Variants in IKBKB observed in about 807,000 individuals in gnomAD.
IKBKB encodes inhibitor of nuclear factor kappa-B kinase subunit beta.
A neutral mutation model predicts 113.6 loss-of-function variants in IKBKB; 42 were observed. The ratio of observed to expected loss-of-function variants is 0.37; its 90% CI spans 0.29 to 0.48. IKBKB has a LOEUF of 0.48. Ranked by LOEUF, IKBKB falls within the 20% of genes least tolerant of loss-of-function variation. IKBKB has a pLI of 0.99. For synonymous variants in IKBKB, 296 were observed against 361.3 expected, an observed-to-expected ratio of 0.82 and a Z score of 2.05; for missense variants, 673 against 939.7, an observed-to-expected ratio of 0.72 and a Z score of 3.71.
rs565964144 is a variant in IKBKB, at chr8:42,279,758, G to T, written c.105+7553G>T. Among the ~76,000 whole-genome samples the T allele has an allele frequency of 2.7e-5, 4 of 150,602 alleles. No individual in the cohort carries two copies. In the South Asian group the frequency reaches 8.4e-4, roughly 32 times the overall value. ...GTGGCTTCTCTGTGGTGAGGACTCA[G>T]GGGGAGGCCTTGGTGTTCCTTAGGC... On this transcript the variant is annotated intron_variant, in intron 2 of 21. Coordinates refer to ENST00000520810, the MANE Select transcript of IKBKB (RefSeq NM_001556.3).
intron 9 of IKBKB, among the ~76,000 whole-genome samples, chr8:42,315,735 T>C (rs1403562888): frequency 6.6e-6 from 1 of 152,192 alleles, no homozygotes; most frequent in African/African-American, 2.4e-5. Context: ...CAGTCTTGGC[T>C]CACTGCAATC....
chr8:42,277,458 C>G (rs1367320258), intron 2 of IKBKB, among the ~76,000 whole-genome samples: 1 of 152,128 alleles, frequency 6.6e-6, no homozygotes, highest in African/African-American at 2.4e-5. Context: ...GTTGGGATTA[C>G]AGGCATGAGT....
intron 2 of IKBKB, among the ~76,000 whole-genome samples, chr8:42,273,031 C>G (rs773112484): frequency 2.0e-5 from 3 of 151,706 alleles, no homozygotes; most frequent in Non-Finnish European, 4.4e-5. Context: ...ATTGCTTGTC[C>G]AGGAGTTTGA....
At chr8:42,301,837 G>A (rs1194826098) in intron 5 of IKBKB, among the ~76,000 whole-genome samples, 2 of 152,134 alleles carry the variant, frequency 1.3e-5, no homozygotes, top group African/African-American at 4.8e-5. Context: ...CTTCACTGGG[G>A]GGTTCTGGGG....
intron 3 of IKBKB, among the ~76,000 whole-genome samples, chr8:42,289,257 G>A (rs1812069968): frequency 6.6e-6 from 1 of 152,160 alleles, no homozygotes; most frequent in African/African-American, 2.4e-5. Context: ...CCTCCATCAG[G>A]GCGCCAGCCT....
At chr8:42,286,028 T>C (rs1811356608) in intron 2 of IKBKB, among the ~76,000 whole-genome samples, 1 of 152,182 alleles carries the variant, frequency 6.6e-6, no homozygotes, top group East Asian at 1.9e-4. Context: ...CCAGAAACTA[T>C]TGAACTGTGT....
intron 2 of IKBKB, among the ~76,000 whole-genome samples, chr8:42,283,189 T>A (rs541867424): frequency 2.6e-5 from 4 of 152,304 alleles, no homozygotes; most frequent in South Asian, 2.1e-4. Flanking sequence ...ACTGCAATTA[T>A]CCAATTTGTA....
chr8:42,278,151 CAG>C (rs1809562855), intron 2 of IKBKB, among the ~76,000 whole-genome samples: 1 of 152,122 alleles, frequency 6.6e-6, no homozygotes, highest in South Asian at 2.1e-4. Context: ...GTCAGCTTGA[CAG>C]AGAAGGTGGG....
intron 4 of IKBKB, 85 bp downstream of exon 4, chr8:42,290,358 GTCA>G: frequency 1.1e-6 from 1 of 884,588 alleles, no homozygotes; most frequent in Non-Finnish European, 1.8e-6. Context: ...TTTCACTTCT[GTCA>G]TCATCAGGAA....
Position 42,317,717 on chromosome 8 carries a change from A to G in IKBKB, c.1186A>G (p.Thr396Ala). ...LVFLFDNSKI[T>A]YETQISPRPQ... is the part of the protein sequence containing the mutation. ...TTTTCTCTTTGACAACAGTAAAATC[A>G]CCTATGAGACTCAGATCTCCCCACG... is the stretch of plus-strand genomic sequence containing the variant. The change falls in exon 12 of 22, where the codon ACC becomes GCC. Residue 396 changes from threonine (T) to alanine (A), a missense_variant. Coordinates refer to ENST00000520810, the MANE Select transcript of IKBKB (RefSeq NM_001556.3). 6.2e-7 allele frequency: 1 copy of G among 1,614,050 alleles called. No individual in the cohort carries two copies. Among genetic ancestry groups the G allele is most frequent in the Non-Finnish European group, 8.5e-7 (1 of 1,179,942 alleles).
chr8:42,284,852 CTTT>C (rs559953662), intron 2 of IKBKB, among the ~76,000 whole-genome samples: 3,674 of 115,880 alleles, frequency 0.032, 32 homozygotes, highest in Non-Finnish European at 0.04. Flanking sequence ...AAACGTTATT[CTTT>C]TTTTTTTTTT....
In IKBKB at chr8:42,273,715, G is replaced by GTT. The variant is rs574644560; in HGVS notation, c.105+1519_105+1520dup. Among the ~76,000 whole-genome samples, 294 of 148,356 alleles carry GTT rather than the reference G, an allele frequency of 2.0e-3. 3 individuals are homozygous for GTT. In the Middle Eastern group the frequency reaches 0.024, roughly 12 times the overall value. ...GCCATGGGACCTGGCCTCAGCTGAG[G>GTT]TTTTTTTTTTATTTTTTGTAGTGAT... On this transcript the variant is annotated intron_variant, in intron 2 of 21. Transcript: ENST00000520810.
At chr8:42,329,974 G>T (rs1020310384) in intron 21 of IKBKB, 1 of 985,250 alleles carries the variant, frequency 1.0e-6, no homozygotes, top group Non-Finnish European at 1.2e-6. Context: ...TGATGTAGTC[G>T]CATGTCCTCC....
intron 17 of IKBKB, 42 bp downstream of exon 17, chr8:42,321,987 C>G: frequency 1.2e-6 from 2 of 1,607,980 alleles, no homozygotes; most frequent in Non-Finnish European, 8.5e-7. Context: ...CTCCTTATCT[C>G]ATTTATGGGG....
intron 8 of IKBKB, 78 bp from the exon 9 acceptor site, chr8:42,314,244 C>T (rs1818251281): frequency 9.9e-7 from 1 of 1,014,902 alleles, no homozygotes; most frequent in African/African-American, 1.6e-5. Context: ...GGACTAAAAT[C>T]ACCTAATGAC....
intron 20 of IKBKB, among the ~76,000 whole-genome samples, chr8:42,328,223 AG>A (rs1282460242): frequency 6.6e-6 from 1 of 150,412 alleles, no homozygotes; most frequent in African/African-American, 2.4e-5. Context: ...CTGGGATTAC[AG>A]GCGTGAGCCA....
intron 2 of IKBKB, among the ~76,000 whole-genome samples, chr8:42,281,042 TTAAG>T (rs1454393260): frequency 2.0e-5 from 3 of 152,074 alleles, no homozygotes; most frequent in Non-Finnish European, 4.4e-5. Context: ...CAGAAATGCA[TTAAG>T]TGAGTCTAAA....
At chr8:42,294,364 T>C (rs1813278480) in intron 5 of IKBKB, among the ~76,000 whole-genome samples, 1 of 152,144 alleles carries the variant, frequency 6.6e-6, no homozygotes, top group Non-Finnish European at 1.5e-5. Flanking sequence ...GTCAAATATA[T>C]AGAAAAGTTA....
In IKBKB at chr8:42,316,143, G is replaced by A. The variant is rs1010309431; in HGVS notation, c.801-67G>A. ...CTGGCTGCCGTCTGTGTGTATACTG[G>A]GAGACGCACACTGTAGCCCAACATT... On this transcript the variant is annotated intron_variant, in intron 9 of 21. Coordinates refer to ENST00000520810, the MANE Select transcript of IKBKB (RefSeq NM_001556.3). This position sits in a 1 kb window ranked among gnomAD's most constrained non-coding sequence, Gnocchi z 4.5. 6.4e-7 allele frequency: 1 copy of A among 1,572,568 alleles called. No individual in the cohort carries two copies. The highest frequency in any genetic ancestry group is 2.3e-5 in the East Asian group (1 of 44,444).
Sources: allele counts gnomAD v4.1 joint callset (sites outside exome capture counted in the v4.1 genomes callset), GRCh38; gene constraint gnomAD v4.1.1; non-coding constraint Gnocchi (gnomAD v3.1); transcripts MANE v1.5; gene names NCBI Gene and HGNC (gene_info 2026-07-23, HGNC 2026-07-21).